Variants in KRT3 observed in about 807,000 individuals in gnomAD.
KRT3 encodes keratin 3.
KRT3 carries 34 observed loss-of-function variants against 45.8 expected under a neutral mutation model. The observed-to-expected ratio is 0.74, with a 90% CI of 0.57 to 0.99. The LOEUF is 0.99. Among genes scored for constraint, KRT3 ranks in the 50% least tolerant of loss-of-function variants. KRT3 has a pLI of 0.00. For missense variants in KRT3, 828 were observed against 820.6 expected, an observed-to-expected ratio of 1.01 and a Z score of -0.11; for synonymous variants, 367 against 329.0, an observed-to-expected ratio of 1.12 and a Z score of -1.25.
rs1194947863 is a variant in KRT3 at position 52,789,982 on chromosome 12, A to G, written c.*60T>C. Reference sequence around the variant, plus strand: ...GGGTGGCGCTGGGGGTGTTGCCAATATGGGGGCGTGGGGAGCGGAGGGGAG... The same window carrying G: ...GGGTGGCGCTGGGGGTGTTGCCAATGTGGGGGCGTGGGGAGCGGAGGGGAG... On this transcript the variant is annotated 3_prime_UTR_variant, in exon 9 of 9. Transcript: ENST00000417996. 8.7e-6 allele frequency: 13 copies of G among 1,492,528 alleles called. No homozygotes were observed. In the East Asian group the frequency reaches 3.2e-4, roughly 37 times the overall value. 92.5% of individuals were successfully genotyped at this position (1,492,528 alleles called of 1,614,324 possible).
At position 52,790,340 on chromosome 12, in the gene KRT3, GTGC is replaced by G; in HGVS notation, c.1586_1588del (p.Ser529del). ...ATAGCCACCTGCGGAGGCGGAAGTC[GTGC>G]TGCTGCTGACCACGGCTGTGGGGGA... is the stretch of plus-strand genomic sequence containing the variant. On this transcript the variant is annotated inframe_deletion, in exon 9 of 9. Transcript: ENST00000417996. 1 of 1,596,058 alleles carries G rather than the reference GTGC, an allele frequency of 6.3e-7. No individual in the cohort carries two copies. The highest frequency in any genetic ancestry group is 2.3e-5 in the East Asian group (1 of 44,302).
At chr12:52,793,107 A>C in intron 3 of KRT3, 56 bp downstream of exon 3, 1 of 1,449,410 alleles carries the variant, frequency 6.9e-7, no homozygotes, top group Non-Finnish European at 9.6e-7. Context: ...AGATTCCCCC[A>C]ACCCAGCCAG....
Position 52,792,400 on chromosome 12 carries a change from G to GCTC in KRT3, c.1024_1026dup (p.Glu342dup). 1 of 1,613,800 alleles carries GCTC rather than the reference G, an allele frequency of 6.2e-7. No individual in the cohort carries two copies. ...CTGATGTGGCTCTGCATCTGAGATAGCTCCTGTCAACACAGAGGGAGCTTG... is the reference window on the plus strand; with the variant it reads ...CTGATGTGGCTCTGCATCTGAGATAGCTCCTCCTGTCAACACAGAGGGAGCTTG... On this transcript the variant is annotated inframe_insertion, in exon 5 of 9. Transcript: ENST00000417996.
chr12:52,792,035 G>A (rs1939523385), intron 5 of KRT3, among the ~76,000 whole-genome samples: 2 of 152,172 alleles, frequency 1.3e-5, no homozygotes, highest in South Asian at 4.1e-4. Context: ...TGAGCAAGTT[G>A]GAGTCAGTCC....
Position 52,789,869 on chromosome 12 carries a change from T to A in KRT3, c.*173A>T, listed in dbSNP as rs1939443810. On this transcript the variant is annotated 3_prime_UTR_variant, in exon 9 of 9. Transcript: ENST00000417996. ...GGAGCCGGAGAGAAGAGCCTGAAATTCTCGTGACTGGGCTTGGCCGGGGAT... is the reference window on the plus strand; with the variant it reads ...GGAGCCGGAGAGAAGAGCCTGAAATACTCGTGACTGGGCTTGGCCGGGGAT... 1 of 715,022 alleles carries A rather than the reference T, an allele frequency of 1.4e-6. No individual in the cohort carries two copies. Among genetic ancestry groups the A allele is most frequent in the Non-Finnish European group, 2.4e-6 (1 of 423,084 alleles). 44.3% of individuals were successfully genotyped at this position (715,022 alleles called of 1,614,324 possible). A position where few individuals can be genotyped will look rare whatever the true frequency, so the allele number is the denominator to read the frequency against.
intron 2 of KRT3, among the ~76,000 whole-genome samples, chr12:52,793,425 G>A (rs1939571775): frequency 6.6e-6 from 1 of 152,064 alleles, no homozygotes. Flanking sequence ...TCTGGTTTTA[G>A]CACTAAAATT....
chr12:52,791,328 T>TAGAGCAGCCTGCAGC lies in KRT3; in HGVS notation c.1398_1412dup (p.Leu467_Leu471dup). The TAGAGCAGCCTGCAGC allele has an allele frequency of 1.9e-6, 3 of 1,614,236 alleles. No individual in the cohort carries two copies. The highest frequency in any genetic ancestry group is 2.5e-6 in the Non-Finnish European group (3 of 1,180,026). ...GCGCCAGGTCATCCTTCGCCTGCTG[T>TAGAGCAGCCTGCAGC]AGAGCAGCCTGCAGCTCTTGGAGCT... On this transcript the variant is annotated inframe_insertion, in exon 7 of 9. Transcript: ENST00000417996.
chr12:52,790,194 C>CACCGCTGAAACCGCTGCT lies in KRT3; in HGVS notation c.1734_1735insAGCAGCGGTTTCAGCGGT (p.Gly578_Gly579insSerSerGlyPheSerGly). The stretch of plus-strand genomic sequence containing the variant: ...CTGCCACCGCTGAAACCGCTGCTGC[C>CACCGCTGAAACCGCTGCT]GCCGCCAAATCCACCGCCGATTCCA... On this transcript the variant is annotated inframe_insertion, in exon 9 of 9. Transcript: ENST00000417996. The CACCGCTGAAACCGCTGCT allele has an allele frequency of 6.5e-7, 1 of 1,549,024 alleles. No individual in the cohort carries two copies. The highest frequency in any genetic ancestry group is 8.7e-7 in the Non-Finnish European group (1 of 1,146,620).
At chr12:52,792,190 G>C in intron 5 of KRT3, 49 bp downstream of exon 5, 1 of 1,539,560 alleles carries the variant, frequency 6.5e-7, no homozygotes, top group Non-Finnish European at 9.0e-7. Context: ...ATAGGCCATG[G>C]CCTCTCTGAA....
Position 52,790,886 on chromosome 12 carries a change from C to T in KRT3, c.1536-14G>A, listed in dbSNP as rs763910478. On this transcript the variant is annotated splice_polypyrimidine_tract_variant and intron_variant, in intron 7 of 8. Transcript: ENST00000417996. ...TCTCCAGACATCCTGTTTGAGAAAG[C>T]AAGAGAAAGTGGGCCCCGTCACAAA... The T allele has an allele frequency of 1.6e-5, 26 of 1,592,382 alleles. 1 individual carries two copies. In the South Asian group the frequency reaches 2.5e-4, roughly 15 times the overall value.
At position 52,790,167 on chromosome 12, in the gene KRT3, C is replaced by CGCTGCCACCGCTGAAACCGCT. The variant is rs60125653; in HGVS notation, c.1741_1761dup (p.Ser581_Ser587dup). The CGCTGCCACCGCTGAAACCGCT allele has an allele frequency of 0.047, 73,094 of 1,547,110 alleles. 3,773 individuals carry two copies. The highest frequency in any genetic ancestry group is 0.26 in the African/African-American group (19,139 of 72,568). On this transcript the variant is annotated inframe_insertion, in exon 9 of 9. Coordinates refer to ENST00000417996, the MANE Select transcript of KRT3 (RefSeq NM_057088.3). ...CGGGCGCCAGAGATGGAGCCAAAGC[C>CGCTGCCACCGCTGAAACCGCT]GCTGCCACCGCTGAAACCGCTGCTG...
intron 6 of KRT3, 47 bp from the exon 7 acceptor site, chr12:52,791,473 G>A: frequency 1.3e-6 from 2 of 1,584,028 alleles, no homozygotes; most frequent in Non-Finnish European, 1.7e-6. Context: ...GAGGGCCCCA[G>A]GCCCTTCCTG....
At position 52,794,117 on chromosome 12, in the gene KRT3, T is replaced by C; in HGVS notation, c.860A>G (p.Lys287Arg). 1 of 1,613,468 alleles carries C rather than the reference T, an allele frequency of 6.2e-7. No individual in the cohort carries two copies. Among genetic ancestry groups the C allele is most frequent in the South Asian group, 1.1e-5 (1 of 91,058 alleles). Reference protein sequence around the residue: ...KNMEDLVEDFKKKYEDEINKR... With the variant: ...KNMEDLVEDFRKKYEDEINKR... ...CTCCTGCCCTGTCACTCACTTCTTC[T>C]TGAAGTCTTCCACCAGGTCCTCCAT... Residue 287 changes from lysine to arginine, a missense_variant, in exon 2 of 9, where the codon AAG (lysine) becomes AGG (arginine). Lys to Arg is a conservative substitution (Grantham distance 26). Transcript: ENST00000417996.
At chr12:52,792,154 C>T in intron 5 of KRT3, 85 bp downstream of exon 5, 1 of 1,178,564 alleles carries the variant, frequency 8.5e-7, no homozygotes, top group Non-Finnish European at 1.2e-6. Flanking sequence ...CCAGTGACCA[C>T]TGGGAACTCA....
Position 52,790,362 on chromosome 12 carries a change from T to G in KRT3, c.1571-4A>C. On this transcript the variant is annotated splice_region_variant and splice_polypyrimidine_tract_variant and intron_variant, in intron 8 of 8. Coordinates refer to ENST00000417996, the MANE Select transcript of KRT3 (RefSeq NM_057088.3). ...GTCGTGCTGCTGCTGACCACGGCTG[T>G]GGGGGAGAGGACAGGACAGCGATCA... 6.3e-7 allele frequency: 1 copy of G among 1,593,574 alleles called. No homozygotes were observed. Among genetic ancestry groups the G allele is most frequent in the Non-Finnish European group, 8.5e-7 (1 of 1,169,764 alleles).
rs546706676 is a variant in KRT3, at chr12:52,796,009, C to G, written c.34G>C (p.Gly12Arg). Reference protein sequence around the residue: ...SRQASKTSGGGSQGFSGRSAV... With the variant: ...SRQASKTSGGRSQGFSGRSAV... ...GAGCGGCCGGAGAAACCCTGGCTCC[C>G]GCCACCAGATGTCTTGCTGGCTTGT... is the stretch of plus-strand genomic sequence containing the variant. The change falls in exon 1 of 9, where the codon GGG (glycine) becomes CGG (arginine). Residue 12 changes from glycine to arginine, a missense_variant. Transcript: ENST00000417996. 3 of 1,613,604 alleles carry G rather than the reference C, an allele frequency of 1.9e-6. No homozygotes were observed. The African/African-American group carries it at 4.0e-5, about 22-fold the overall frequency.
intron 5 of KRT3, among the ~76,000 whole-genome samples, 153 bp downstream of exon 5, chr12:52,792,086 T>C (rs1218350172): frequency 6.6e-6 from 1 of 152,166 alleles, no homozygotes; most frequent in Non-Finnish European, 1.5e-5. Flanking sequence ...CAAGACTTTC[T>C]GCAACTGAAC....
Position 52,793,247 on chromosome 12 carries a change from C to T in KRT3, c.867-24G>A, listed in dbSNP as rs373416164. On this transcript the variant is annotated intron_variant, in intron 2 of 8. Coordinates refer to ENST00000417996, the MANE Select transcript of KRT3 (RefSeq NM_057088.3). The stretch of plus-strand genomic sequence containing the variant: ...ATCTGTGTGAATAAAAAAGAAACAG[C>T]TGAGTTTGGTTTTGAGGTCATCGTA... The T allele has an allele frequency of 2.6e-5, 41 of 1,572,750 alleles. No homozygotes were observed. The African/African-American group carries it at 5.3e-4, about 20-fold the overall frequency.
Position 52,792,147 on chromosome 12 carries a change from G to A in KRT3, c.1188+92C>T, listed in dbSNP as rs142725777. ...GGTAAAACCAAAAGGCATTCACCCA[G>A]TGACCACTGGGAACTCACTACCCAG... On this transcript the variant is annotated intron_variant, in intron 5 of 8. Coordinates refer to ENST00000417996, the MANE Select transcript of KRT3 (RefSeq NM_057088.3). 1.7e-5 allele frequency: 18 copies of A among 1,085,630 alleles called. No individual in the cohort carries two copies. The African/African-American group carries it at 2.3e-4, about 14-fold the overall frequency. The allele number at this position is 1,085,630 out of a possible 1,614,324, so 67.2% of individuals were successfully genotyped here.
Sources: allele counts gnomAD v4.1 joint callset (sites outside exome capture counted in the v4.1 genomes callset), GRCh38; gene constraint gnomAD v4.1.1; transcripts MANE v1.5; gene names NCBI Gene and HGNC (gene_info 2026-07-23, HGNC 2026-07-21).